SOX30: variants seen among roughly 807,000 people sequenced by gnomAD.
SOX30 encodes transcription factor SOX-30.
In SOX30, 17 loss-of-function variants were observed where a neutral mutation model predicts 58.6. The observed-to-expected ratio is 0.29, with a 90% CI of 0.20 to 0.44. SOX30 has a LOEUF of 0.44. Among genes scored for constraint, SOX30 ranks in the 20% least tolerant of loss-of-function variants. SOX30 has a pLI of 1.00. For missense variants in SOX30, 951 were observed against 965.8 expected, an observed-to-expected ratio of 0.98 and a Z score of 0.20; for synonymous variants, 421 against 400.2, an observed-to-expected ratio of 1.05 and a Z score of -0.62.
At chr5:157,637,407 T>C (rs1758956545) in intron 4 of SOX30, among the ~76,000 whole-genome samples, 1 of 152,166 alleles carries the variant, frequency 6.6e-6, no homozygotes, top group African/African-American at 2.4e-5. Context: ...CCCTCCTCTA[T>C]ACCCTTGCTA....
chr5:157,640,140 CTATCATGAAATAGT>C lies in SOX30; in HGVS notation c.1388-1432_1388-1419del, dbSNP rs1445705278. The stretch of plus-strand genomic sequence containing the variant: ...CCTCCAAACCTTGTAAACCTATCAC[CTATCATGAAATAGT>C]GTAAATCTTTGTGATTATTTGCATG... On this transcript the variant is annotated intron_variant, in intron 3 of 4. Transcript: ENST00000265007. 2.6e-5 allele frequency among the ~76,000 whole-genome samples: 4 copies of C among 152,336 alleles called. 1 individual carries two copies. The East Asian group carries it at 7.7e-4, about 29-fold the overall frequency.
chr5:157,652,233 C>T lies in SOX30; in HGVS notation c.-155G>A. The stretch of plus-strand genomic sequence containing the variant: ...TGTCTGTCTGGGCCTCACCCAATCA[C>T]AACGACCGATACCCGTGGACGGCCA... On this transcript the variant is annotated 5_prime_UTR_variant, in exon 1 of 5. The change creates a new upstream start codon in the 5' untranslated region. Coordinates refer to ENST00000265007, the MANE Select transcript of SOX30 (RefSeq NM_178424.2). The T allele has an allele frequency of 1.6e-6, 2 of 1,276,688 alleles. No homozygotes were observed. The highest frequency in any genetic ancestry group is 2.0e-6 in the Non-Finnish European group (2 of 1,016,458). The allele number at this position is 1,276,688 out of a possible 1,614,324, so 79.1% of individuals were successfully genotyped here.
intron 3 of SOX30, among the ~76,000 whole-genome samples, chr5:157,643,059 G>C (rs1759107581): frequency 6.6e-6 from 1 of 152,068 alleles, no homozygotes; most frequent in African/African-American, 2.4e-5. Flanking sequence ...ATAGATCTTA[G>C]ATGGCATTCA....
At chr5:157,641,744 A>G (rs73306861) in intron 3 of SOX30, among the ~76,000 whole-genome samples, 7,472 of 152,284 alleles carry the variant, frequency 0.049, 636 homozygotes, top group African/African-American at 0.17. Flanking sequence ...AAAAAACTTT[A>G]TATGTTGTTC....
upstream of SOX30, among the ~76,000 whole-genome samples, chr5:157,656,094 C>A (rs1478328663): frequency 6.6e-6 from 1 of 152,132 alleles, no homozygotes; most frequent in Admixed American, 6.5e-5. Context: ...ACAGTGGTGG[C>A]CCGGGTTCAG....
chr5:157,631,450 C>T (rs557314514), intron 4 of SOX30, among the ~76,000 whole-genome samples: 1 of 152,182 alleles, frequency 6.6e-6, no homozygotes, highest in Non-Finnish European at 1.5e-5. Context: ...ACAAGTTGGT[C>T]CTTTCAGGTC....
At chr5:157,630,342 C>G (rs1284871955) in intron 4 of SOX30, among the ~76,000 whole-genome samples, 1 of 152,084 alleles carries the variant, frequency 6.6e-6, no homozygotes, top group Non-Finnish European at 1.5e-5. Context: ...GAATGCCCTA[C>G]TTTCTTGTTT....
rs369810092 is a variant in SOX30, at chr5:157,652,300, G to T, written c.-222C>A. The T allele has an allele frequency of 6.9e-4, 850 of 1,237,156 alleles. 3 individuals are homozygous for T. In the African/African-American group the frequency reaches 0.012, roughly 18 times the overall value. 76.6% of individuals were successfully genotyped at this position (1,237,156 alleles called of 1,614,324 possible). On this transcript the variant is annotated 5_prime_UTR_variant, in exon 1 of 5. Transcript: ENST00000265007. ...CCGGCTCTTCCTGGTCCCTACTCTC[G>T]CCTCGTGCTGAGTCCTCGAATCACC...
intron 2 of SOX30, among the ~76,000 whole-genome samples, chr5:157,663,604 G>A (rs1467689458): frequency 6.6e-6 from 1 of 152,164 alleles, no homozygotes; most frequent in South Asian, 2.1e-4. Context: ...TCTGGCCAGG[G>A]CAATCAGGCA....
At chr5:157,654,614 G>A (rs537724602), upstream of SOX30, among the ~76,000 whole-genome samples, 11 of 152,294 alleles carry the variant, frequency 7.2e-5, no homozygotes, top group East Asian at 9.6e-4. Flanking sequence ...ATACTGGGTC[G>A]CATTCCCAGA....
chr5:157,628,262 T>C (rs1274369069), intron 4 of SOX30, among the ~76,000 whole-genome samples: 1 of 152,016 alleles, frequency 6.6e-6, no homozygotes, highest in Non-Finnish European at 1.5e-5. Flanking sequence ...GCAGGAATTA[T>C]AGGAAGAGGT....
chr5:157,638,415 A>G lies in SOX30; in HGVS notation c.1695T>C (p.Pro565=). 4 of 1,613,798 alleles carry G rather than the reference A, an allele frequency of 2.5e-6. No homozygotes were observed. The highest frequency in any genetic ancestry group is 2.2e-5 in the South Asian group (2 of 91,080). The change falls in exon 4 of 5, where the codon CCT becomes CCC. Residue 565 remains proline, a synonymous_variant. Transcript: ENST00000265007. ...ARFATSTIQP[P]REYSSVSPCP... ...AAGGGGAAACGCTGGAATACTCCCT[A>G]GGAGGTTGGATGGTCGAAGTTGCAA...
chr5:157,654,978 C>T (rs1759443297), upstream of SOX30, among the ~76,000 whole-genome samples: 1 of 152,190 alleles, frequency 6.6e-6, no homozygotes, highest in Admixed American at 6.5e-5. Flanking sequence ...TATTCCTTTA[C>T]TTTCTTAATA....
At position 157,638,677 on chromosome 5, in the gene SOX30, C is replaced by T. The variant is rs1470045216; in HGVS notation, c.1433G>A (p.Ser478Asn). Residue 478 changes from serine (S) to asparagine (N), a missense_variant, in exon 4 of 5, where the codon AGC becomes AAC. By Grantham distance (46) the Ser-to-Asn change is conservative. This residue lies in a region of SOX30 where 381 missense variants were observed against 390.0 expected (regional missense o/e 0.98). Coordinates refer to ENST00000265007, the MANE Select transcript of SOX30 (RefSeq NM_178424.2). ...CTGGAAAAGTGTGACAGGGCTTGGG[C>T]TCTGGACTGCAGGTGTGGGCAGCTG... The part of the protein sequence containing the change: ...AIQLPTPAVQ[S>N]PSPVTLFQPS... The T allele has an allele frequency of 1.9e-6, 3 of 1,614,042 alleles. No individual in the cohort carries two copies. The highest frequency in any genetic ancestry group is 1.1e-5 in the South Asian group (1 of 91,068).
chr5:157,646,533 GTT>G, intron 3 of SOX30, 102 bp downstream of exon 3: 2 of 817,268 alleles, frequency 2.4e-6, no homozygotes, highest in South Asian at 4.0e-5. Flanking sequence ...TCTTAACATT[GTT>G]GTTCCAAATT....
chr5:157,632,049 A>C (rs972136333), intron 4 of SOX30, among the ~76,000 whole-genome samples: 4 of 76,310 alleles, frequency 5.2e-5, no homozygotes, highest in African/African-American at 1.6e-4. Context: ...CCCGTAACTA[A>C]AAAAAAAAAA....
intron 3 of SOX30, among the ~76,000 whole-genome samples, chr5:157,645,685 C>T (rs1186132937): frequency 6.7e-6 from 1 of 150,064 alleles, no homozygotes; most frequent in Non-Finnish European, 1.5e-5. Context: ...AAAGTGACAG[C>T]AAGTAGTGAA....
chr5:157,668,034 G>A (rs1205061962), intron 1 of SOX30, among the ~76,000 whole-genome samples: 4 of 152,202 alleles, frequency 2.6e-5, no homozygotes, highest in African/African-American at 9.7e-5. Flanking sequence ...CAGGCCATAC[G>A]ATGCACAGGG....
chr5:157,643,423 A>T (rs1458290628), intron 3 of SOX30, among the ~76,000 whole-genome samples: 1 of 152,006 alleles, frequency 6.6e-6, no homozygotes, highest in Non-Finnish European at 1.5e-5. Context: ...TTGTCTCAAA[A>T]ATATATATAA....
Sources: gnomAD v4.1 joint callset for allele counts (sites outside exome capture counted in the v4.1 genomes callset) on GRCh38, gnomAD v4.1.1 for gene constraint, gnomAD v4.1.1 regional missense constraint, MANE v1.5 for transcripts, NCBI Gene and HGNC (gene_info 2026-07-23, HGNC 2026-07-21) for gene names.